Variants in MAP9 observed in about 807,000 individuals in gnomAD.
MAP9 encodes microtubule associated protein 9.
A neutral mutation model predicts 75.2 loss-of-function variants in MAP9; 80 were observed. The ratio of observed to expected loss-of-function variants is 1.06; its 90% CI spans 0.89 to 1.28. The LOEUF is 1.28. Among genes scored for constraint, MAP9 ranks in the 50% most tolerant of loss-of-function variants. The pLI, the probability that MAP9 is intolerant of heterozygous loss-of-function variation, is 0.00. For synonymous variants in MAP9, 235 were observed against 237.3 expected (o/e 0.99, Z 0.09); for missense variants, 753 against 719.9 (o/e 1.05, Z -0.53).
chr4:155,375,116 C>T, intron 2 of MAP9, 95 bp from the exon 3 acceptor site: 1 of 870,168 alleles, frequency 1.1e-6, no homozygotes, highest in Non-Finnish European at 1.7e-6. Flanking sequence ...TTAACGACTG[C>T]TTTCAAACTT....
chr4:155,359,210 T>TAC (rs56261222), intron 7 of MAP9, among the ~76,000 whole-genome samples: 15,274 of 145,282 alleles, frequency 0.11, 764 homozygotes, highest in Middle Eastern at 0.15. Flanking sequence ...AAAATGTGTA[T>TAC]ACACACACAC....
intron 4 of MAP9, 66 bp from the exon 5 acceptor site, chr4:155,368,878 G>A: frequency 7.4e-7 from 1 of 1,343,352 alleles, no homozygotes; most frequent in South Asian, 1.4e-5. Context: ...ATCTCTCTGG[G>A]TGCTACCATA....
chr4:155,369,139 G>A (rs7671539), intron 4 of MAP9, among the ~76,000 whole-genome samples: 39,543 of 151,714 alleles, frequency 0.26, 6,097 homozygotes, highest in African/African-American at 0.44. Flanking sequence ...TGGCTAACAC[G>A]GTGAAACCCT....
intron 4 of MAP9, among the ~76,000 whole-genome samples, chr4:155,370,895 G>T (rs959146709): frequency 6.6e-6 from 1 of 152,126 alleles, no homozygotes; most frequent in East Asian, 1.9e-4. Context: ...CTTCAAATAT[G>T]TGAACTCATT....
At chr4:155,369,583 T>C (rs1243579561) in intron 4 of MAP9, among the ~76,000 whole-genome samples, 1 of 152,184 alleles carries the variant, frequency 6.6e-6, no homozygotes, top group East Asian at 1.9e-4. Flanking sequence ...AACCTCATAA[T>C]CAACAAAGCG....
rs1731184983 is a variant in MAP9 at position 155,343,549 on chromosome 4, G to A, written c.*4234C>T. The A allele has an allele frequency of 6.6e-6, 1 of 151,372 alleles. No individual in the cohort carries two copies. Among genetic ancestry groups the A allele is most frequent in the Admixed American group, 6.6e-5 (1 of 15,164 alleles). 9.4% of individuals were successfully genotyped at this position (151,372 alleles called of 1,614,324 possible). On this transcript the variant is annotated 3_prime_UTR_variant, in exon 14 of 14. Transcript: ENST00000311277. ...AAATTTTTAGTCATTTATAATAAAA[G>A]GTATATTAGCATATGATTATTTTAT...
chr4:155,362,191 A>G, intron 5 of MAP9, 50 bp from the exon 6 acceptor site: 1 of 1,081,074 alleles, frequency 9.3e-7, no homozygotes, highest in Non-Finnish European at 1.4e-6. Context: ...AATAATTAAC[A>G]TTTATGGGAA....
chr4:155,355,947 G>T, intron 8 of MAP9, 63 bp from the exon 9 acceptor site: 1 of 1,373,698 alleles, frequency 7.3e-7, no homozygotes, highest in Non-Finnish European at 1.0e-6. Context: ...AGAGAGATCT[G>T]TTAGAATATG....
chr4:155,350,448 C>A (rs905870558), intron 13 of MAP9, among the ~76,000 whole-genome samples: 7 of 151,864 alleles, frequency 4.6e-5, no homozygotes, highest in Admixed American at 3.9e-4. Context: ...AACAGTATAC[C>A]TAAATGTGAC....
At chr4:155,350,208 A>T (rs1186575325) in intron 13 of MAP9, 2 of 447,874 alleles carry the variant, frequency 4.5e-6, no homozygotes, top group Non-Finnish European at 8.9e-6. Flanking sequence ...AAGTCATTAG[A>T]CTCCTATACA....
At chr4:155,352,844 A>C in intron 12 of MAP9, 68 bp downstream of exon 12, 2 of 1,426,228 alleles carry the variant, frequency 1.4e-6, no homozygotes, top group South Asian at 1.4e-5. Flanking sequence ...CAAGTAAATA[A>C]ATTTTATAAA....
At chr4:155,359,655 G>A (rs768072213) in intron 7 of MAP9, among the ~76,000 whole-genome samples, 32 of 152,064 alleles carry the variant, frequency 2.1e-4, no homozygotes, top group Non-Finnish European at 4.3e-4. Context: ...TTGAAAATTA[G>A]GAAATAAAGG....
chr4:155,356,968 T>C (rs953888635), intron 8 of MAP9: 1 of 158,826 alleles, frequency 6.3e-6, no homozygotes, highest in Non-Finnish European at 1.4e-5. Flanking sequence ...ATAAACCTAC[T>C]TAGTTCATAG....
At position 155,368,729 on chromosome 4, in the gene MAP9, C is replaced by G. The variant is rs1435584354; in HGVS notation, c.565G>C (p.Glu189Gln). 1 of 1,613,980 alleles carries G rather than the reference C, an allele frequency of 6.2e-7. No individual in the cohort carries two copies. The highest frequency in any genetic ancestry group is 1.3e-5 in the African/African-American group (1 of 74,936). The change falls in exon 5 of 14, where the codon GAG (glutamate) becomes CAG (glutamine). Residue 189 changes from glutamate to glutamine, a missense_variant. Physicochemically the swap from Glu to Gln is conservative, Grantham distance 29. Coordinates refer to ENST00000311277, the MANE Select transcript of MAP9 (RefSeq NM_001039580.2). ...TTATCTTCTAGTCCATCCTTCTCCT[C>G]CATGTGACTTTTCTTTTTCAACATA... ...RSMLKKKSHMEEKDGLEDKET... is the reference protein window; with the variant it reads ...RSMLKKKSHMQEKDGLEDKET...
chr4:155,370,483 T>TA (rs1732543544), intron 4 of MAP9, among the ~76,000 whole-genome samples: 1 of 152,176 alleles, frequency 6.6e-6, no homozygotes, highest in Non-Finnish European at 1.5e-5. Context: ...CATGCACACA[T>TA]ACCACAATCC....
At chr4:155,350,284 T>A (rs934529817) in intron 13 of MAP9, 14 of 451,006 alleles carry the variant, frequency 3.1e-5, no homozygotes, top group Admixed American at 1.2e-4. Flanking sequence ...GGAGAACCGA[T>A]CTGTAACATG....
At chr4:155,367,400 G>C (rs149827491) in intron 5 of MAP9, 5 of 152,348 alleles carry the variant, frequency 3.3e-5, no homozygotes, top group Non-Finnish European at 7.3e-5. Flanking sequence ...GAAGAGGCAA[G>C]GAAGGATTCT....
At chr4:155,366,174 C>T (rs957127232) in intron 5 of MAP9, among the ~76,000 whole-genome samples, 14 of 151,952 alleles carry the variant, frequency 9.2e-5, no homozygotes, top group African/African-American at 2.2e-4. Flanking sequence ...TCCTGGCTAA[C>T]GCGGTGAAAC....
At position 155,368,805 on chromosome 4, in the gene MAP9, G is replaced by T. The variant is rs1028869726; in HGVS notation, c.489C>A (p.Asn163Lys). Residue 163 changes from asparagine (N) to lysine (K), a missense_variant, in exon 5 of 14, where the codon AAC (asparagine) becomes AAA (lysine). Asn to Lys is a moderately conservative substitution (Grantham distance 94). Coordinates refer to ENST00000311277, the MANE Select transcript of MAP9 (RefSeq NM_001039580.2). ...AGTGATCATCTGTGTCAAGGCTGTT[G>T]TTTTCTGCTGAAAAATAAAATGCTT... is the stretch of plus-strand genomic sequence containing the variant. ...LSIKSTSSAE[N>K]NSLDTDDHFK... The T allele has an allele frequency of 1.2e-6, 2 of 1,600,406 alleles. No homozygotes were observed. The highest frequency in any genetic ancestry group is 2.7e-5 in the African/African-American group (2 of 73,872).
Sources: allele counts gnomAD v4.1 joint callset (sites outside exome capture counted in the v4.1 genomes callset), GRCh38; gene constraint gnomAD v4.1.1; transcripts MANE v1.5; gene names NCBI Gene and HGNC (gene_info 2026-07-23, HGNC 2026-07-21).